Variants in DLGAP1 observed in about 807,000 individuals in gnomAD.
DLGAP1 encodes the protein DLG associated protein 1.
DLGAP1 carries 11 observed loss-of-function variants against 90.8 expected under a neutral mutation model. That is an observed-to-expected ratio of 0.12 (90% confidence interval 0.08 to 0.20). DLGAP1 has a LOEUF of 0.20. DLGAP1 is among the 10% of genes least tolerant of loss of function. The pLI is 1.00. For missense variants in DLGAP1, 1,050 were observed against 1,333.8 expected (o/e 0.79, Z 3.31); for synonymous variants, 558 against 540.7 (o/e 1.03, Z -0.44).
chr18:3,541,199 CTAAGT>C (rs1411087602), intron 9 of DLGAP1, among the ~76,000 whole-genome samples: 1 of 151,372 alleles, frequency 6.6e-6, no homozygotes, highest in Non-Finnish European at 1.5e-5. Flanking sequence ...TTTCTGCACA[CTAAGT>C]TATTTTGAAA....
chr18:3,785,225 T>A (rs1430546991), intron 5 of DLGAP1, among the ~76,000 whole-genome samples: 2 of 152,136 alleles, frequency 1.3e-5, no homozygotes, highest in Non-Finnish European at 1.5e-5. Flanking sequence ...TATCTTACAG[T>A]TCTGGAGGCT....
At chr18:3,919,221 C>T (rs17651456) in intron 3 of DLGAP1, among the ~76,000 whole-genome samples, 3,267 of 152,294 alleles carry the variant, frequency 0.021, 49 homozygotes, top group Non-Finnish European at 0.032. Context: ...TCACACACTT[C>T]GAATCCTTAC....
Position 4,363,504 on chromosome 18 carries a change from C to T in DLGAP1, c.-267+91502G>A, listed in dbSNP as rs549913500. ...TAAGAGAAAATTTTCGCAACCTACT[C>T]ATCTGACAAAGGGCTAATATCCAGA... is the stretch of plus-strand genomic sequence containing the variant. On this transcript the variant is annotated intron_variant, in intron 1 of 12. Coordinates refer to ENST00000315677, the MANE Select transcript of DLGAP1 (RefSeq NM_004746.4). 2.0e-5 allele frequency among the ~76,000 whole-genome samples: 3 copies of T among 152,248 alleles called. No homozygotes were observed. The South Asian group carries it at 6.2e-4, about 32-fold the overall frequency.
In DLGAP1 at chr18:3,497,581, A is replaced by G. The variant is rs893205436; in HGVS notation, c.*1604T>C. ...GCTATGAGAGTGTATTATTTTAAAA[A>G]GCTTCTCTGGTGCAAGCATGTTTGA... On this transcript the variant is annotated 3_prime_UTR_variant, in exon 13 of 13. Transcript: ENST00000315677. The G allele has an allele frequency of 6.6e-6, 1 of 152,220 alleles. No individual in the cohort carries two copies. The highest frequency in any genetic ancestry group is 2.4e-5 in the African/African-American group (1 of 41,452). The allele number at this position is 152,220 out of a possible 1,614,324, so 9.4% of individuals were successfully genotyped here. A position where few individuals can be genotyped will look rare whatever the true frequency, so the allele number is the denominator to read the frequency against.
chr18:4,037,760 G>T (rs2074912373), intron 2 of DLGAP1, among the ~76,000 whole-genome samples: 1 of 152,170 alleles, frequency 6.6e-6, no homozygotes, highest in African/African-American at 2.4e-5. Flanking sequence ...AGGAGCTCAA[G>T]ACCAGCCTGG....
intron 5 of DLGAP1, among the ~76,000 whole-genome samples, chr18:3,789,151 T>TAGAC (rs1182086241): frequency 6.6e-6 from 1 of 152,236 alleles, no homozygotes; most frequent in African/African-American, 2.4e-5. Flanking sequence ...GAGACACATG[T>TAGAC]AGACGAACAG....
intron 3 of DLGAP1, among the ~76,000 whole-genome samples, chr18:3,972,821 G>A (rs749028783): frequency 3.9e-5 from 6 of 152,218 alleles, no homozygotes; most frequent in Non-Finnish European, 5.9e-5. Flanking sequence ...CTGAGAGGCA[G>A]ATGGGCGGGG....
chr18:3,618,497 C>T (rs1013221380), intron 7 of DLGAP1, among the ~76,000 whole-genome samples: 1 of 151,446 alleles, frequency 6.6e-6, no homozygotes. Flanking sequence ...GTGAATTGTG[C>T]ATCAAATAAA....
chr18:4,137,831 A>G (rs916272685), intron 2 of DLGAP1, among the ~76,000 whole-genome samples: 9 of 152,076 alleles, frequency 5.9e-5, no homozygotes, highest in Admixed American at 1.3e-4. Flanking sequence ...TTCATCATAG[A>G]GATCTAAAAA....
chr18:3,991,571 C>G (rs1367332944), intron 3 of DLGAP1, among the ~76,000 whole-genome samples: 1 of 152,202 alleles, frequency 6.6e-6, no homozygotes, highest in Non-Finnish European at 1.5e-5. Flanking sequence ...CTTCTGGAGG[C>G]TGACTGCCCA....
chr18:3,932,907 T>C (rs1007118075), intron 3 of DLGAP1, among the ~76,000 whole-genome samples: 7 of 152,192 alleles, frequency 4.6e-5, no homozygotes, highest in African/African-American at 7.2e-5. Flanking sequence ...AGCTGGGCCA[T>C]GCCTGATTCC....
intron 1 of DLGAP1, among the ~76,000 whole-genome samples, chr18:4,439,584 T>C (rs1224582563): frequency 5.3e-5 from 8 of 151,922 alleles, no homozygotes; most frequent in African/African-American, 1.2e-4. Flanking sequence ...GGCAGGAGGA[T>C]TGCTAGAGGC....
intron 5 of DLGAP1, among the ~76,000 whole-genome samples, chr18:3,756,948 C>A (rs973442039): frequency 3.9e-5 from 6 of 152,284 alleles, no homozygotes; most frequent in Non-Finnish European, 8.8e-5. Flanking sequence ...AAATAAAAAT[C>A]TTTCCATAAA....
intron 2 of DLGAP1, among the ~76,000 whole-genome samples, chr18:4,105,892 C>A (rs532219055): frequency 6.6e-6 from 1 of 151,708 alleles, no homozygotes; most frequent in East Asian, 1.9e-4. Flanking sequence ...ATTAGCCGGG[C>A]GTGGTGGCGG....
chr18:3,583,164 A>ACATT (rs1187268703), intron 7 of DLGAP1, among the ~76,000 whole-genome samples: 1 of 127,240 alleles, frequency 7.9e-6, no homozygotes, highest in South Asian at 2.9e-4. Context: ...CTACCTACCT[A>ACATT]CCTACCTACC....
intron 5 of DLGAP1, among the ~76,000 whole-genome samples, chr18:3,791,337 A>G (rs536423428): frequency 2.0e-5 from 3 of 151,242 alleles, no homozygotes; most frequent in Non-Finnish European, 4.4e-5. Flanking sequence ...GAAGGCTGTG[A>G]AAACCAGCAT....
chr18:3,795,795 G>C (rs1415824971), intron 5 of DLGAP1, among the ~76,000 whole-genome samples: 3 of 152,048 alleles, frequency 2.0e-5, no homozygotes, highest in Admixed American at 2.0e-4. Context: ...ATTTTCTTAG[G>C]GTTCCAGGGC....
chr18:3,723,955 T>TC (rs1268701102), intron 7 of DLGAP1, among the ~76,000 whole-genome samples: 1 of 152,164 alleles, frequency 6.6e-6, no homozygotes, highest in Non-Finnish European at 1.5e-5. Flanking sequence ...AGGTTCTTAC[T>TC]CCCCTTCCTG....
At chr18:3,955,073 G>C (rs1001763577) in intron 3 of DLGAP1, among the ~76,000 whole-genome samples, 4 of 152,272 alleles carry the variant, frequency 2.6e-5, no homozygotes, top group Admixed American at 2.0e-4. Flanking sequence ...CAGGCTGCGG[G>C]GGGGAAGGAA....
Sources: allele counts gnomAD v4.1 joint callset (sites outside exome capture counted in the v4.1 genomes callset), GRCh38; gene constraint gnomAD v4.1.1; transcripts MANE v1.5; gene names NCBI Gene and HGNC (gene_info 2026-07-23, HGNC 2026-07-21).